The following EEPD1 variants were observed in gnomAD, a reference collection of about 807,000 sequenced individuals.
EEPD1 encodes the protein endonuclease/exonuclease/phosphatase family domain containing 1.
In EEPD1, 17 loss-of-function variants were observed where a neutral mutation model predicts 46.3. The ratio of observed to expected loss-of-function variants is 0.37; its 90% CI spans 0.25 to 0.55. The LOEUF (loss-of-function observed/expected upper bound fraction) is 0.55. Among genes scored for constraint, EEPD1 ranks in the 20% least tolerant of loss-of-function variants. The pLI is 0.83. For missense variants in EEPD1, 673 were observed against 745.6 expected, an observed-to-expected ratio of 0.90 and a Z score of 1.13; for synonymous variants, 313 against 315.6, an observed-to-expected ratio of 0.99 and a Z score of 0.09.
At chr7:36,166,219 G>T (rs1266038029) in intron 2 of EEPD1, among the ~76,000 whole-genome samples, 1 of 152,202 alleles carries the variant, frequency 6.6e-6, no homozygotes, top group Non-Finnish European at 1.5e-5. Flanking sequence ...AGACTGTTTG[G>T]AGTTGATTTG....
chr7:36,174,705 C>T (rs561799899), intron 2 of EEPD1, among the ~76,000 whole-genome samples: 1 of 152,296 alleles, frequency 6.6e-6, no homozygotes, highest in South Asian at 2.1e-4. Flanking sequence ...GACATACCCT[C>T]CTGTGTGCAG....
At chr7:36,206,824 G>A (rs1022768656) in intron 2 of EEPD1, among the ~76,000 whole-genome samples, 4 of 152,174 alleles carry the variant, frequency 2.6e-5, no homozygotes, top group African/African-American at 7.2e-5. Context: ...TGAGGCAGTC[G>A]AATCAGCTGA....
At chr7:36,196,561 G>A (rs1489350520) in intron 2 of EEPD1, among the ~76,000 whole-genome samples, 5 of 152,234 alleles carry the variant, frequency 3.3e-5, no homozygotes, top group South Asian at 2.1e-4. Flanking sequence ...GCAGGCGCGC[G>A]CCGCCACGCC....
intron 3 of EEPD1, among the ~76,000 whole-genome samples, chr7:36,262,276 G>C (rs576025483): frequency 1.3e-5 from 2 of 152,194 alleles, no homozygotes; most frequent in South Asian, 4.1e-4. Context: ...AGGAGTTCGA[G>C]ACCAGCCAGG....
At chr7:36,235,754 C>G (rs1786422538) in intron 2 of EEPD1, among the ~76,000 whole-genome samples, 1 of 152,224 alleles carries the variant, frequency 6.6e-6, no homozygotes, top group African/African-American at 2.4e-5. Context: ...TGAATGTATT[C>G]AAATTCCTCA....
At position 36,284,792 on chromosome 7, in the gene EEPD1, G is replaced by A; in HGVS notation, c.1148G>A (p.Gly383Asp). 6.4e-7 allele frequency: 1 copy of A among 1,574,744 alleles called. No individual in the cohort carries two copies. Residue 383 changes from glycine to aspartate, a missense_variant, in exon 5 of 8, where the codon GGC becomes GAC. Transcript: ENST00000242108. ...SPSNGHGKLA[G>D]PSPYLGRFKV... ...AGCAACGGGCACGGGAAGCTGGCGG[G>A]CCCCAGCCCATACCTCGGGAGGTTC...
chr7:36,173,565 C>T (rs1785126982), intron 2 of EEPD1, among the ~76,000 whole-genome samples: 1 of 152,008 alleles, frequency 6.6e-6, no homozygotes, highest in Non-Finnish European at 1.5e-5. Context: ...GTAAGACCTG[C>T]CTTCCTCCCC....
intron 2 of EEPD1, among the ~76,000 whole-genome samples, chr7:36,196,117 G>A (rs1251566495): frequency 6.6e-6 from 1 of 152,132 alleles, no homozygotes; most frequent in Non-Finnish European, 1.5e-5. Flanking sequence ...AAAAGGTACA[G>A]TAAAAATATT....
Position 36,154,240 on chromosome 7 carries a change from T to C in EEPD1, c.-85T>C, listed in dbSNP as rs1374664116. 17 of 1,462,078 alleles carry C rather than the reference T, an allele frequency of 1.2e-5. No individual in the cohort carries two copies. Among genetic ancestry groups the C allele is most frequent in the Non-Finnish European group, 1.4e-5 (16 of 1,107,756 alleles). 90.6% of individuals were successfully genotyped at this position (1,462,078 alleles called of 1,614,324 possible). A position where few individuals can be genotyped will look rare whatever the true frequency, so the allele number is the denominator to read the frequency against. ...TCCTGCACCTTCCGTTTTTCTGTGC[T>C]TGTACGGCCTACTGGGCTTCCTCCC... On this transcript the variant is annotated 5_prime_UTR_variant, in exon 2 of 8. Transcript: ENST00000242108. The surrounding 1 kb of genome is among the most constrained non-coding windows in gnomAD (Gnocchi z 4.2).
intron 3 of EEPD1, among the ~76,000 whole-genome samples, chr7:36,268,806 C>T (rs189066270): frequency 1.3e-5 from 2 of 152,264 alleles, no homozygotes; most frequent in East Asian, 1.9e-4. Context: ...ATAGCAAATA[C>T]GTGAGGCGGG....
At chr7:36,166,259 T>C (rs1784979785) in intron 2 of EEPD1, among the ~76,000 whole-genome samples, 1 of 152,244 alleles carries the variant, frequency 6.6e-6, no homozygotes. Context: ...AGTTTGGATG[T>C]CTCCTGAATT....
At chr7:36,245,183 G>T (rs901015575) in intron 3 of EEPD1, among the ~76,000 whole-genome samples, 2 of 152,056 alleles carry the variant, frequency 1.3e-5, no homozygotes, top group Non-Finnish European at 2.9e-5. Context: ...CCGGGCCTCA[G>T]GTCATCCACC....
At chr7:36,237,793 A>G (rs1168571877) in intron 2 of EEPD1, among the ~76,000 whole-genome samples, 1 of 152,092 alleles carries the variant, frequency 6.6e-6, no homozygotes, top group Non-Finnish European at 1.5e-5. Flanking sequence ...TGTACTAAAA[A>G]TACAAAAATT....
At chr7:36,214,541 C>A (rs991260074) in intron 2 of EEPD1, among the ~76,000 whole-genome samples, 4 of 152,104 alleles carry the variant, frequency 2.6e-5, no homozygotes, top group Non-Finnish European at 5.9e-5. Context: ...GTCTTATATC[C>A]CATTCAGTCT....
In EEPD1 at chr7:36,204,659, C is replaced by T. The variant is rs1785780442; in HGVS notation, c.879-34326C>T. ...CCCAGCAGAGTGAAGCCTGCAGGTA[C>T]CCTAAGCCTAGCAGACAGACCGGGC... On this transcript the variant is annotated intron_variant, in intron 2 of 7. Coordinates refer to ENST00000242108, the MANE Select transcript of EEPD1 (RefSeq NM_030636.3). 3.3e-5 allele frequency among the ~76,000 whole-genome samples: 5 copies of T among 152,138 alleles called. No individual in the cohort carries two copies. The South Asian group carries it at 1.0e-3, about 31-fold the overall frequency.
chr7:36,200,557 T>G lies in EEPD1; in HGVS notation c.879-38428T>G, dbSNP rs370942303. Among the ~76,000 whole-genome samples, 72 of 152,340 alleles carry G rather than the reference T, an allele frequency of 4.7e-4. No homozygotes were observed. In the South Asian group the frequency reaches 0.015, roughly 31 times the overall value. ...GAGGCCAATTCTAAAAAGAAGAACTTACTTTCAGGGAATCATTAGCTTCAC... is the reference window on the plus strand; with the variant it reads ...GAGGCCAATTCTAAAAAGAAGAACTGACTTTCAGGGAATCATTAGCTTCAC... On this transcript the variant is annotated intron_variant, in intron 2 of 7. Transcript: ENST00000242108.
At position 36,275,029 on chromosome 7, in the gene EEPD1, G is replaced by A. The variant is rs115559646; in HGVS notation, c.931-6086G>A. ...ATCTTCATCCACCAAAATAGATTGCGTTTTCAGTGCTACTGCTGAGAACAC... is the reference window on the plus strand; with the variant it reads ...ATCTTCATCCACCAAAATAGATTGCATTTTCAGTGCTACTGCTGAGAACAC... On this transcript the variant is annotated intron_variant, in intron 3 of 7. Coordinates refer to ENST00000242108, the MANE Select transcript of EEPD1 (RefSeq NM_030636.3). Among the ~76,000 whole-genome samples, 776 of 152,302 alleles carry A rather than the reference G, an allele frequency of 5.1e-3. 9 individuals carry two copies. Among genetic ancestry groups the A allele is most frequent in the African/African-American group, 0.018 (743 of 41,562 alleles).
chr7:36,272,493 G>T (rs909959261), intron 3 of EEPD1, among the ~76,000 whole-genome samples: 6 of 85,416 alleles, frequency 7.0e-5, no homozygotes, highest in East Asian at 4.2e-4. Context: ...GGTTTTTCTG[G>T]TTTTTTGTTG....
chr7:36,191,253 A>G (rs898792922), intron 2 of EEPD1, among the ~76,000 whole-genome samples: 1 of 152,204 alleles, frequency 6.6e-6, no homozygotes, highest in African/African-American at 2.4e-5. Context: ...AAGAGGGAGT[A>G]AATAGGACAA....
Sources: gnomAD v4.1 joint callset for allele counts (sites outside exome capture counted in the v4.1 genomes callset) on GRCh38, gnomAD v4.1.1 for gene constraint, Gnocchi (gnomAD v3.1) non-coding constraint, MANE v1.5 for transcripts, NCBI Gene and HGNC (gene_info 2026-07-23, HGNC 2026-07-21) for gene names.